The following AOAH variants were observed in gnomAD, a reference collection of about 807,000 sequenced individuals.
AOAH encodes acyloxyacyl hydrolase (neutrophil).
A neutral mutation model predicts 92.2 loss-of-function variants in AOAH; 64 were observed. The observed-to-expected ratio is 0.69, with a 90% CI of 0.57 to 0.86. The LOEUF (loss-of-function observed/expected upper bound fraction) is 0.86. Ranked by LOEUF, AOAH falls within the 40% of genes least tolerant of loss-of-function variation. The pLI is 0.00. For missense variants in AOAH, 656 were observed against 694.6 expected (o/e 0.94, Z 0.62); for synonymous variants, 263 against 254.5 (o/e 1.03, Z -0.32).
intron 13 of AOAH, among the ~76,000 whole-genome samples, chr7:36,575,170 T>G (rs1182276122): frequency 9.9e-5 from 15 of 152,246 alleles, no homozygotes; most frequent in Admixed American, 9.8e-4. Context: ...CAGATTTGAC[T>G]GTAACTGTCC....
chr7:36,723,608 T>C (rs1388301005), intron 1 of AOAH, among the ~76,000 whole-genome samples: 2 of 152,132 alleles, frequency 1.3e-5, no homozygotes, highest in Non-Finnish European at 2.9e-5. Context: ...TTAAGTACAT[T>C]GCTCCAGGTT....
chr7:36,517,802 T>C (rs1783881501), intron 20 of AOAH, among the ~76,000 whole-genome samples: 1 of 151,710 alleles, frequency 6.6e-6, no homozygotes, highest in African/African-American at 2.4e-5. Flanking sequence ...GGTTTCACCA[T>C]TATGGCCAGG....
intron 2 of AOAH, among the ~76,000 whole-genome samples, chr7:36,686,349 T>C (rs1156686320): frequency 6.6e-6 from 1 of 152,200 alleles, no homozygotes; most frequent in African/African-American, 2.4e-5. Flanking sequence ...ACAAAATTAT[T>C]GGAAGTTATT....
chr7:36,716,894 G>A (rs1020364239), intron 1 of AOAH, among the ~76,000 whole-genome samples: 5 of 151,344 alleles, frequency 3.3e-5, no homozygotes, highest in South Asian at 2.1e-4. Context: ...TAATGGGTGC[G>A]GCACACCAAC....
chr7:36,520,708 GA>G (rs34390772), intron 20 of AOAH, among the ~76,000 whole-genome samples: 4,805 of 134,644 alleles, frequency 0.036, 243 homozygotes, highest in African/African-American at 0.12. Flanking sequence ...TCTGTCTCGA[GA>G]AAAAAAAAAA....
chr7:36,600,530 C>A (rs1489285122), intron 11 of AOAH, among the ~76,000 whole-genome samples: 1 of 152,050 alleles, frequency 6.6e-6, no homozygotes. Context: ...GGGGAAAGGC[C>A]CCCGGGAGAC....
chr7:36,699,454 AG>A (rs1002425991), intron 1 of AOAH, among the ~76,000 whole-genome samples: 9 of 151,952 alleles, frequency 5.9e-5, no homozygotes, highest in Non-Finnish European at 1.2e-4. Context: ...CATCCTTGCT[AG>A]CATGCATTCC....
intron 19 of AOAH, among the ~76,000 whole-genome samples, chr7:36,523,388 C>T (rs557585756): frequency 7.2e-5 from 11 of 152,294 alleles, no homozygotes; most frequent in South Asian, 2.1e-4. Context: ...GAAGTTGTGG[C>T]GTGCTGGTAA....
intron 13 of AOAH, among the ~76,000 whole-genome samples, chr7:36,559,614 C>A (rs935319434): frequency 6.6e-6 from 1 of 151,772 alleles, no homozygotes; most frequent in African/African-American, 2.4e-5. Context: ...TTTGCTTGTT[C>A]AATTGTTTAA....
At chr7:36,662,458 C>A (rs1473738832) in intron 3 of AOAH, among the ~76,000 whole-genome samples, 1 of 152,200 alleles carries the variant, frequency 6.6e-6, no homozygotes, top group Non-Finnish European at 1.5e-5. Flanking sequence ...CAGATAAAGT[C>A]CATTACCAAA....
At chr7:36,649,589 C>T (rs144678848) in intron 4 of AOAH, among the ~76,000 whole-genome samples, 24 of 152,284 alleles carry the variant, frequency 1.6e-4, no homozygotes, top group African/African-American at 5.8e-4. Flanking sequence ...GAGAGCACAG[C>T]AGGAGGGATA....
intron 12 of AOAH, 121 bp from the exon 13 acceptor site, chr7:36,576,777 T>A: frequency 1.9e-6 from 1 of 522,892 alleles, no homozygotes; most frequent in Non-Finnish European, 3.3e-6. Context: ...AAAAATCAAA[T>A]CTCTGCTGAC....
intron 5 of AOAH, among the ~76,000 whole-genome samples, chr7:36,636,580 G>A (rs1338131473): frequency 2.0e-5 from 3 of 152,132 alleles, no homozygotes; most frequent in African/African-American, 7.2e-5. Flanking sequence ...AGCTCAACGG[G>A]CTACTGTTGG....
intron 6 of AOAH, among the ~76,000 whole-genome samples, chr7:36,626,189 A>G (rs1443199281): frequency 6.6e-6 from 1 of 152,222 alleles, no homozygotes; most frequent in African/African-American, 2.4e-5. Context: ...AGAGAGAGAG[A>G]GAGAGAAAGA....
Position 36,513,120 on chromosome 7 carries a change from C to T in AOAH, c.*132G>A. On this transcript the variant is annotated 3_prime_UTR_variant, in exon 21 of 21. Transcript: ENST00000617537. ...GATATGCTCTTCATTGAGAGAAAGA[C>T]ATTTTGCAAAGATGCTGCTGAAGAA... is the stretch of plus-strand genomic sequence containing the variant. 1 of 1,606,778 alleles carries T rather than the reference C, an allele frequency of 6.2e-7. No homozygotes were observed. The highest frequency in any genetic ancestry group is 8.5e-7 in the Non-Finnish European group (1 of 1,179,392).
In AOAH at chr7:36,614,258, T is replaced by TTTGA. The variant is rs1282550748; in HGVS notation, c.846+2118_846+2121dup. On this transcript the variant is annotated intron_variant, in intron 11 of 20. Coordinates refer to ENST00000617537, the MANE Select transcript of AOAH (RefSeq NM_001637.4). This position sits in a 1 kb window ranked among gnomAD's most constrained non-coding sequence, Gnocchi z 4.2. ...CTGCCCCACATTTTTTATTGTGTTG[T>TTTGA]TTGATAGGTCCATCCAGAAGTAATG... Among the ~76,000 whole-genome samples the TTTGA allele has an allele frequency of 3.3e-5, 5 of 152,212 alleles. No homozygotes were observed. The highest frequency in any genetic ancestry group is 4.4e-5 in the Non-Finnish European group (3 of 68,018).
chr7:36,675,476 G>A (rs1276437695), intron 2 of AOAH, among the ~76,000 whole-genome samples: 1 of 152,138 alleles, frequency 6.6e-6, no homozygotes, highest in Non-Finnish European at 1.5e-5. Flanking sequence ...CATATAACAA[G>A]TAAAGAGATT....
intron 10 of AOAH, among the ~76,000 whole-genome samples, chr7:36,617,695 C>G (rs1165967210): frequency 1.3e-5 from 2 of 152,220 alleles, no homozygotes; most frequent in African/African-American, 4.8e-5. Flanking sequence ...TCACCAGGAG[C>G]ATATTTTCAG....
chr7:36,650,256 G>T (rs1794495264), intron 4 of AOAH, among the ~76,000 whole-genome samples: 1 of 152,194 alleles, frequency 6.6e-6, no homozygotes, highest in Non-Finnish European at 1.5e-5. Context: ...ATTCCAAATA[G>T]TTTGGGTCTA....
Sources: gnomAD v4.1 joint callset for allele counts (sites outside exome capture counted in the v4.1 genomes callset) on GRCh38, gnomAD v4.1.1 for gene constraint, Gnocchi (gnomAD v3.1) non-coding constraint, MANE v1.5 for transcripts, NCBI Gene and HGNC (gene_info 2026-07-23, HGNC 2026-07-21) for gene names.